The following DMRT1 variants were observed in gnomAD, a reference collection of about 807,000 sequenced individuals.
DMRT1 encodes doublesex- and mab-3-related transcription factor 1.
Under a neutral mutation model 32.3 loss-of-function variants are expected in DMRT1, and 7 were observed. That is an observed-to-expected ratio of 0.22 (90% CI 0.12 to 0.41). The LOEUF is 0.41. DMRT1 is among the 10% of genes least tolerant of loss of function. The pLI is 1.00. For synonymous variants in DMRT1, 278 were observed against 206.1 expected (o/e 1.35, Z -2.99); for missense variants, 625 against 500.5 (o/e 1.25, Z -2.37).
At position 844,155 on chromosome 9, in the gene DMRT1, TGCTTA is replaced by T. The variant is rs567517921; in HGVS notation, c.354+1964_354+1968del. Among the ~76,000 whole-genome samples the T allele has an allele frequency of 1.0e-3, 154 of 152,314 alleles. 2 individuals are homozygous for T. In the South Asian group the frequency reaches 0.015, roughly 15 times the overall value. On this transcript the variant is annotated intron_variant, in intron 1 of 4. Transcript: ENST00000382276. ...AATAACCTTTATTAGTAGAGGAGGCTGCTTACACCGTTAAAAACAAAAGCAACTCA... is the reference window on the plus strand; with the variant it reads ...AATAACCTTTATTAGTAGAGGAGGCTCACCGTTAAAAACAAAAGCAACTCA...
intron 2 of DMRT1, among the ~76,000 whole-genome samples, chr9:873,309 C>A (rs1816352992): frequency 7.2e-6 from 1 of 139,790 alleles, no homozygotes; most frequent in Admixed American, 7.2e-5. Context: ...TTTCTATAAG[C>A]ATTTTTTTTT....
chr9:899,123 C>T (rs1048981124), intron 3 of DMRT1, among the ~76,000 whole-genome samples: 1 of 151,824 alleles, frequency 6.6e-6, no homozygotes, highest in African/African-American at 2.4e-5. Context: ...TAGGATAACT[C>T]CTTTCTGATT....
At chr9:883,833 A>G (rs560573885) in intron 2 of DMRT1, among the ~76,000 whole-genome samples, 50 of 152,110 alleles carry the variant, frequency 3.3e-4, no homozygotes, top group African/African-American at 1.1e-3. Flanking sequence ...CGCTTTTGCT[A>G]TACCCTCGTA....
intron 3 of DMRT1, chr9:894,559 G>GGT (rs1817279495): frequency 3.1e-6 from 1 of 326,070 alleles, no homozygotes; most frequent in African/African-American, 2.1e-5. Flanking sequence ...TACTGAATGA[G>GGT]GTACCACCTC....
chr9:891,265 G>T (rs1817137953), intron 2 of DMRT1, among the ~76,000 whole-genome samples: 1 of 148,574 alleles, frequency 6.7e-6, no homozygotes, highest in South Asian at 2.2e-4. Flanking sequence ...TGGCCAACAT[G>T]GTGAAACCCC....
intron 4 of DMRT1, among the ~76,000 whole-genome samples, chr9:947,597 G>T (rs1442219803): frequency 6.6e-6 from 1 of 152,154 alleles, no homozygotes; most frequent in East Asian, 1.9e-4. Context: ...GAAGTTGGAG[G>T]TCACGGAGCT....
chr9:845,699 C>T (rs1460999861), intron 1 of DMRT1, among the ~76,000 whole-genome samples: 3 of 152,176 alleles, frequency 2.0e-5, no homozygotes, highest in African/African-American at 7.2e-5. Flanking sequence ...ATTCCAGCCC[C>T]TTTCCCCACT....
intron 4 of DMRT1, among the ~76,000 whole-genome samples, chr9:941,377 G>T (rs1819066323): frequency 7.7e-6 from 1 of 130,484 alleles, no homozygotes; most frequent in Admixed American, 9.5e-5. Flanking sequence ...AGGAAAATCT[G>T]ACTCATGTTA....
intron 4 of DMRT1, among the ~76,000 whole-genome samples, chr9:923,924 G>C (rs1818436301): frequency 6.6e-6 from 1 of 152,160 alleles, no homozygotes; most frequent in Non-Finnish European, 1.5e-5. Context: ...TGTCCATTTT[G>C]TTCTCAGCTT....
intron 2 of DMRT1, among the ~76,000 whole-genome samples, chr9:892,892 C>T (rs1369545752): frequency 6.6e-6 from 1 of 152,220 alleles, no homozygotes; most frequent in African/African-American, 2.4e-5. Flanking sequence ...CCTGCTTCCA[C>T]TCCTTTGTCC....
At position 904,836 on chromosome 9, in the gene DMRT1, C is replaced by G. The variant is rs7029783; in HGVS notation, c.822+10641C>G. 2.5e-3 allele frequency among the ~76,000 whole-genome samples: 372 copies of G among 151,448 alleles called. 1 individual carries two copies. Among genetic ancestry groups the G allele is most frequent in the African/African-American group, 7.6e-3 (312 of 41,256 alleles). ...GCAGGTGCCTATAATCCCAGCTACT[C>G]GAGGCTGAGGCAGGAGAATCGCTTG... On this transcript the variant is annotated intron_variant, in intron 3 of 4. Transcript: ENST00000382276.
chr9:935,446 C>T (rs978991956), intron 4 of DMRT1, among the ~76,000 whole-genome samples: 5 of 152,160 alleles, frequency 3.3e-5, no homozygotes, highest in African/African-American at 1.2e-4. Flanking sequence ...AGTGTAATTG[C>T]CGGAGGGGAC....
At chr9:866,379 C>T (rs1328073544) in intron 2 of DMRT1, among the ~76,000 whole-genome samples, 5 of 151,984 alleles carry the variant, frequency 3.3e-5, no homozygotes, top group Admixed American at 2.0e-4. Context: ...TATTTCAGAC[C>T]CCTTGACGTC....
chr9:889,431 A>G lies in DMRT1; in HGVS notation c.539-4481A>G, dbSNP rs367556855. Reference sequence around the variant, plus strand: ...ACAACTTTTCCAATACATATCTCCTATTTATTCTTAAAGCTTGGTATAACT... The same window carrying G: ...ACAACTTTTCCAATACATATCTCCTGTTTATTCTTAAAGCTTGGTATAACT... On this transcript the variant is annotated intron_variant, in intron 2 of 4. Coordinates refer to ENST00000382276, the MANE Select transcript of DMRT1 (RefSeq NM_021951.3). Among the ~76,000 whole-genome samples the G allele has an allele frequency of 1.1e-4, 17 of 152,202 alleles. No individual in the cohort carries two copies. The East Asian group carries it at 3.3e-3, about 29-fold the overall frequency.
At chr9:868,340 A>G (rs1385911251) in intron 2 of DMRT1, among the ~76,000 whole-genome samples, 1 of 152,188 alleles carries the variant, frequency 6.6e-6, no homozygotes, top group Non-Finnish European at 1.5e-5. Context: ...TCTTAGCTGT[A>G]TTCTATATTT....
At chr9:901,639 T>G (rs1817580151) in intron 3 of DMRT1, among the ~76,000 whole-genome samples, 1 of 151,918 alleles carries the variant, frequency 6.6e-6, no homozygotes, top group East Asian at 1.9e-4. Flanking sequence ...CTGACCAATT[T>G]TTAAGACATA....
At chr9:852,004 A>G (rs1246222293) in intron 2 of DMRT1, among the ~76,000 whole-genome samples, 2 of 148,736 alleles carry the variant, frequency 1.3e-5, no homozygotes, top group African/African-American at 5.0e-5. Flanking sequence ...CTGTGGCGCG[A>G]TCCCAGCTCA....
At chr9:887,200 A>G (rs1165800824) in intron 2 of DMRT1, among the ~76,000 whole-genome samples, 1 of 152,186 alleles carries the variant, frequency 6.6e-6, no homozygotes, top group African/African-American at 2.4e-5. Context: ...CTGTCTCTCA[A>G]ACAAACAAAC....
At chr9:956,995 G>T (rs751415605) in intron 4 of DMRT1, among the ~76,000 whole-genome samples, 1 of 152,152 alleles carries the variant, frequency 6.6e-6, no homozygotes, top group Non-Finnish European at 1.5e-5. Flanking sequence ...GTGCAGGTTT[G>T]TTACGTCAGC....
Sources: gnomAD v4.1 joint callset for allele counts (sites outside exome capture counted in the v4.1 genomes callset) on GRCh38, gnomAD v4.1.1 for gene constraint, MANE v1.5 for transcripts, NCBI Gene and HGNC (gene_info 2026-07-23, HGNC 2026-07-21) for gene names.